SCMH1: variants seen among roughly 807,000 people sequenced by gnomAD.
The protein encoded by SCMH1 is polycomb protein SCMH1.
A neutral mutation model predicts 70.8 loss-of-function variants in SCMH1; 37 were observed. That is an observed-to-expected ratio of 0.52 (90% CI 0.40 to 0.69). SCMH1 has a LOEUF of 0.69. Ranked by LOEUF, SCMH1 falls within the 30% of genes least tolerant of loss-of-function variation. SCMH1 has a pLI of 0.00. For missense variants in SCMH1, 607 were observed against 827.3 expected (o/e 0.73, Z 3.27); for synonymous variants, 292 against 307.4 (o/e 0.95, Z 0.52).
chr1:41,040,951 A>C (rs966293791), intron 12 of SCMH1, among the ~76,000 whole-genome samples: 3 of 152,184 alleles, frequency 2.0e-5, no homozygotes, highest in African/African-American at 7.2e-5. Context: ...CCCAACAATA[A>C]AATCAATTGC....
intron 1 of SCMH1, among the ~76,000 whole-genome samples, chr1:41,208,603 C>T (rs945752297): frequency 2.9e-4 from 44 of 152,058 alleles, no homozygotes; most frequent in African/African-American, 1.0e-3. Flanking sequence ...TACATGGAAA[C>T]GGAACAACCT....
At chr1:41,043,635 A>C (rs1252021453) in intron 12 of SCMH1, 1 of 144,130 alleles carries the variant, frequency 6.9e-6, no homozygotes, top group African/African-American at 2.6e-5. Flanking sequence ...GGGTTTCACC[A>C]TGTTAGCCAG....
chr1:41,116,207 C>T (rs758840468), intron 7 of SCMH1, among the ~76,000 whole-genome samples: 4 of 152,176 alleles, frequency 2.6e-5, no homozygotes, highest in African/African-American at 4.8e-5. Context: ...AAGAACTACT[C>T]CTGAGTTACA....
intron 1 of SCMH1, among the ~76,000 whole-genome samples, chr1:41,186,931 T>C (rs1030621285): frequency 4.6e-5 from 7 of 152,312 alleles, no homozygotes; most frequent in Admixed American, 4.6e-4. Flanking sequence ...GTCTGTGGTA[T>C]TCTGTTATGG....
At chr1:41,083,233 C>T (rs1660584977) in intron 8 of SCMH1, among the ~76,000 whole-genome samples, 1 of 152,316 alleles carries the variant, frequency 6.6e-6, no homozygotes, top group Non-Finnish European at 1.5e-5. Flanking sequence ...ACCCCATTGT[C>T]TCAGCCCAAA....
At chr1:41,200,510 TAATAATATAATA>T (rs1415610300) in intron 1 of SCMH1, among the ~76,000 whole-genome samples, 3 of 144,948 alleles carry the variant, frequency 2.1e-5, no homozygotes, top group Non-Finnish European at 4.6e-5. Flanking sequence ...ATAATAATAA[TAATAATATAATA>T]ATAATAATAA....
chr1:41,110,664 T>C (rs1208966537), intron 8 of SCMH1, among the ~76,000 whole-genome samples: 1 of 152,264 alleles, frequency 6.6e-6, no homozygotes, highest in Non-Finnish European at 1.5e-5. Flanking sequence ...CCTCTAGCTA[T>C]ACCACATTTT....
At chr1:41,235,866 T>C (rs905303456) in intron 1 of SCMH1, among the ~76,000 whole-genome samples, 1 of 152,202 alleles carries the variant, frequency 6.6e-6, no homozygotes, top group Non-Finnish European at 1.5e-5. Context: ...GTTCTGCAAT[T>C]CACCTTTTTC....
intron 7 of SCMH1, among the ~76,000 whole-genome samples, chr1:41,115,232 T>A (rs1557505746): frequency 2.6e-5 from 4 of 152,236 alleles, no homozygotes; most frequent in Non-Finnish European, 4.4e-5. Flanking sequence ...AATTCTTGTG[T>A]GCTTGATTTA....
At chr1:41,152,410 G>A (rs892937008) in intron 4 of SCMH1, among the ~76,000 whole-genome samples, 1 of 152,154 alleles carries the variant, frequency 6.6e-6, no homozygotes, top group Non-Finnish European at 1.5e-5. Context: ...CTCTTGAACT[G>A]GCCTTACAGC....
chr1:41,225,235 T>C (rs1660036521), intron 1 of SCMH1, among the ~76,000 whole-genome samples: 1 of 152,204 alleles, frequency 6.6e-6, no homozygotes, highest in Non-Finnish European at 1.5e-5. Context: ...AGGAGGTTCA[T>C]TACTTGCATT....
intron 1 of SCMH1, among the ~76,000 whole-genome samples, chr1:41,213,077 A>G (rs11209701): frequency 0.078 from 11,876 of 152,284 alleles, 596 homozygotes; most frequent in South Asian, 0.13. Flanking sequence ...TCCAAATAAT[A>G]AATAACTTGG....
At chr1:41,163,865 T>A (rs919193422) in intron 2 of SCMH1, among the ~76,000 whole-genome samples, 1 of 152,192 alleles carries the variant, frequency 6.6e-6, no homozygotes, top group African/African-American at 2.4e-5. Flanking sequence ...TATAAACAAC[T>A]GGTTATCTTT....
intron 6 of SCMH1, among the ~76,000 whole-genome samples, chr1:41,117,442 G>C (rs1465692597): frequency 5.9e-5 from 9 of 152,108 alleles, no homozygotes; most frequent in African/African-American, 2.2e-4. Context: ...CCGTGGTCTA[G>C]TGGTAGCGTC....
At chr1:41,221,368 A>G (rs1256177019) in intron 1 of SCMH1, among the ~76,000 whole-genome samples, 1 of 152,192 alleles carries the variant, frequency 6.6e-6, no homozygotes, top group Non-Finnish European at 1.5e-5. Flanking sequence ...TTAATGCCAC[A>G]GAACTGTACA....
At chr1:41,052,765 AAATCT>A (rs766417159) in intron 10 of SCMH1, among the ~76,000 whole-genome samples, 13 of 152,268 alleles carry the variant, frequency 8.5e-5, no homozygotes, top group Non-Finnish European at 1.9e-4. Context: ...AAGAATAGGG[AAATCT>A]AATCTATGGT....
At chr1:41,162,414 G>C (rs1174763070) in intron 2 of SCMH1, among the ~76,000 whole-genome samples, 2 of 152,144 alleles carry the variant, frequency 1.3e-5, no homozygotes, top group Non-Finnish European at 2.9e-5. Context: ...TGAACTGCCA[G>C]TCCTGCAGAC....
intron 12 of SCMH1, among the ~76,000 whole-genome samples, chr1:41,042,480 C>G (rs1646319726): frequency 6.6e-6 from 1 of 152,136 alleles, no homozygotes; most frequent in Admixed American, 6.5e-5. Flanking sequence ...AACTCCCGAC[C>G]TCAGGTGATC....
intron 2 of SCMH1, among the ~76,000 whole-genome samples, chr1:41,167,267 G>A (rs1417956876): frequency 6.6e-6 from 1 of 152,124 alleles, no homozygotes; most frequent in Non-Finnish European, 1.5e-5. Context: ...ATGTTCATCA[G>A]TGAGATTGGT....
Sources: allele counts gnomAD v4.1 joint callset (sites outside exome capture counted in the v4.1 genomes callset), GRCh38; gene constraint gnomAD v4.1.1; transcripts MANE v1.5; gene names NCBI Gene and HGNC (gene_info 2026-07-23, HGNC 2026-07-21).